MGAT5: variants seen among roughly 807,000 people sequenced by gnomAD.
MGAT5 encodes alpha-1,6-mannosylglycoprotein 6-beta-N-acetylglucosaminyltransferase A.
Under a neutral mutation model 94.3 loss-of-function variants are expected in MGAT5, and 30 were observed. That is an observed-to-expected ratio of 0.32 (90% confidence interval 0.24 to 0.43). The LOEUF is 0.43. Among genes scored for constraint, MGAT5 ranks in the 20% least tolerant of loss-of-function variants. MGAT5 has a pLI of 1.00. For synonymous variants in MGAT5, 310 were observed against 322.9 expected (o/e 0.96, Z 0.43); for missense variants, 691 against 905.5 (o/e 0.76, Z 3.04).
Position 134,152,329 on chromosome 2 carries a change from AC to A in MGAT5, c.-143+32041del, listed in dbSNP as rs562357826. 3.8e-4 allele frequency among the ~76,000 whole-genome samples: 40 copies of A among 106,438 alleles called. No individual in the cohort carries two copies. The South Asian group carries it at 6.6e-3, about 17-fold the overall frequency. 69.8% of individuals were successfully genotyped at this position (106,438 alleles called of 152,430 possible). ...CCGCTTATCACTCACGCCCTATGGG[AC>A]CCGCCCACCGCCATGGGACCTCACT... On this transcript the variant is annotated intron_variant, in intron 1 of 16. Transcript: ENST00000409645.
At position 134,261,110 on chromosome 2, in the gene MGAT5, G is replaced by A. The variant is rs181168183; in HGVS notation, c.241+6466G>A. 8.9e-4 allele frequency among the ~76,000 whole-genome samples: 135 copies of A among 152,152 alleles called. 1 individual carries two copies. The highest frequency in any genetic ancestry group is 2.7e-3 in the African/African-American group (112 of 41,510). ...AGGAGGAGTAAACTCAGAATAAGGG[G>A]CTCATTCTTCTACCCCTCAGTCATT... On this transcript the variant is annotated intron_variant, in intron 1 of 15. Transcript: ENST00000281923.
chr2:134,157,212 A>G (rs1173182812), intron 1 of MGAT5, among the ~76,000 whole-genome samples: 1 of 152,210 alleles, frequency 6.6e-6, no homozygotes, highest in Non-Finnish European at 1.5e-5. Flanking sequence ...AGTTAATAGT[A>G]TCATGCCAAT....
rs528259652 is a variant in MGAT5, at chr2:134,304,911, A to G, written c.407-12618A>G. Among the ~76,000 whole-genome samples, 10 of 152,294 alleles carry G rather than the reference A, an allele frequency of 6.6e-5. No individual in the cohort carries two copies. The South Asian group carries it at 2.1e-3, about 32-fold the overall frequency. ...TTTAAGAGGCATCCTAGCCAAGGAC[A>G]TTACCTAGCAGGCTTGGCATGTATA... is the stretch of plus-strand genomic sequence containing the variant. On this transcript the variant is annotated intron_variant, in intron 2 of 15. Coordinates refer to ENST00000281923, the MANE Select transcript of MGAT5 (RefSeq NM_002410.5).
At chr2:134,245,694 T>C (rs1207341312) in intron 1 of MGAT5, among the ~76,000 whole-genome samples, 1 of 152,196 alleles carries the variant, frequency 6.6e-6, no homozygotes, top group Non-Finnish European at 1.5e-5. Flanking sequence ...TACCTGTGAA[T>C]GTCAGAGAAC....
intron 4 of MGAT5, among the ~76,000 whole-genome samples, chr2:134,322,152 A>G (rs935331640): frequency 6.6e-6 from 1 of 152,114 alleles, no homozygotes. Flanking sequence ...GATAAAAGAC[A>G]CTCAATAAGC....
At chr2:134,137,709 T>G (rs1686474259) in intron 1 of MGAT5, among the ~76,000 whole-genome samples, 1 of 152,206 alleles carries the variant, frequency 6.6e-6, no homozygotes, top group Non-Finnish European at 1.5e-5. Context: ...TAAAAAAATA[T>G]TAACGCTGAA....
chr2:134,316,355 C>T (rs1686997847), intron 2 of MGAT5, among the ~76,000 whole-genome samples: 1 of 152,104 alleles, frequency 6.6e-6, no homozygotes. Flanking sequence ...TGAACGGCAT[C>T]GTTAGATTGT....
At chr2:134,300,571 T>C (rs1685953381) in intron 2 of MGAT5, among the ~76,000 whole-genome samples, 1 of 152,188 alleles carries the variant, frequency 6.6e-6, no homozygotes, top group African/African-American at 2.4e-5. Context: ...AAGAACACTT[T>C]ACCAACAGTT....
In MGAT5 at chr2:134,200,847, C is replaced by T. The variant is rs540207080; in HGVS notation, c.-142-53415C>T. 7.2e-5 allele frequency among the ~76,000 whole-genome samples: 11 copies of T among 152,136 alleles called. No homozygotes were observed. In the East Asian group the frequency reaches 1.2e-3, roughly 16 times the overall value. ...CACCCTGGGCAACATGGTGACACTC[C>T]GTCTCTACAAAAATAAAAATAAAAA... On this transcript the variant is annotated intron_variant, in intron 1 of 16. Coordinates refer to the MGAT5 transcript ENST00000409645.
chr2:134,133,050 A>T (rs930319409), intron 1 of MGAT5, among the ~76,000 whole-genome samples: 1 of 152,330 alleles, frequency 6.6e-6, no homozygotes, highest in African/African-American at 2.4e-5. Context: ...AGTGCTAGTT[A>T]TTTATTCATT....
chr2:134,364,393 G>T (rs1264766106), intron 10 of MGAT5, among the ~76,000 whole-genome samples: 2 of 152,136 alleles, frequency 1.3e-5, no homozygotes, highest in Admixed American at 6.5e-5. Flanking sequence ...CAAGCTACTT[G>T]GGAGGCTGAG....
chr2:134,165,358 A>G (rs1251480930), intron 1 of MGAT5, among the ~76,000 whole-genome samples: 2 of 152,150 alleles, frequency 1.3e-5, no homozygotes, highest in African/African-American at 2.4e-5. Context: ...AATATATTGC[A>G]TGGGATTGTG....
At chr2:134,248,183 A>C (rs1573608803) in intron 1 of MGAT5, among the ~76,000 whole-genome samples, 1 of 152,212 alleles carries the variant, frequency 6.6e-6, no homozygotes. Context: ...TCTGTGGCTC[A>C]TACCAGAAGG....
Position 134,270,515 on chromosome 2 carries a change from C to A in MGAT5, c.371C>A (p.Pro124His). 2 of 1,614,092 alleles carry A rather than the reference C, an allele frequency of 1.2e-6. No individual in the cohort carries two copies. The highest frequency in any genetic ancestry group is 1.7e-6 in the Non-Finnish European group (2 of 1,180,018). The change falls in exon 2 of 16, where the codon CCC becomes CAC. Residue 124 changes from proline to histidine, a missense_variant. By Grantham distance (77) the Pro-to-His change is moderately conservative. Coordinates refer to ENST00000281923, the MANE Select transcript of MGAT5 (RefSeq NM_002410.5). ...TCAACCAACTCCACTACAGCTGTTC[C>A]CAGCTTGGTTGCACTTGAGAAAATT... is the stretch of plus-strand genomic sequence containing the variant. ...TNSTNSTTAV[P>H]SLVALEKINV... is the part of the protein sequence containing the mutation.
chr2:134,153,006 C>G (rs1235490073), intron 1 of MGAT5, among the ~76,000 whole-genome samples: 1 of 150,260 alleles, frequency 6.7e-6, no homozygotes, highest in Non-Finnish European at 1.5e-5. Context: ...TGAGTTCAAG[C>G]AGTTCTCCTG....
At chr2:134,178,571 T>C (rs1286124147) in intron 1 of MGAT5, among the ~76,000 whole-genome samples, 1 of 152,098 alleles carries the variant, frequency 6.6e-6, no homozygotes, top group Non-Finnish European at 1.5e-5. Context: ...GCTTGGGAAA[T>C]GTAGTTTCCT....
At chr2:134,325,733 A>G (rs550424499) in intron 4 of MGAT5, among the ~76,000 whole-genome samples, 12 of 152,084 alleles carry the variant, frequency 7.9e-5, no homozygotes, top group Non-Finnish European at 1.3e-4. Flanking sequence ...AGGACCCTAA[A>G]TTGCAATTGT....
chr2:134,244,430 C>T (rs914651832), intron 1 of MGAT5, among the ~76,000 whole-genome samples: 2 of 152,106 alleles, frequency 1.3e-5, no homozygotes, highest in African/African-American at 4.8e-5. Flanking sequence ...CCTTAATACT[C>T]ATTAGTAAAT....
At chr2:134,348,217 G>C (rs1689030246) in intron 8 of MGAT5, among the ~76,000 whole-genome samples, 1 of 152,050 alleles carries the variant, frequency 6.6e-6, no homozygotes, top group Admixed American at 6.6e-5. Context: ...CAGTTCCTTG[G>C]GTCCCTAGCT....
Sources: gnomAD v4.1 joint callset for allele counts (sites outside exome capture counted in the v4.1 genomes callset) on GRCh38, gnomAD v4.1.1 for gene constraint, MANE v1.5 for transcripts, NCBI Gene and HGNC (gene_info 2026-07-23, HGNC 2026-07-21) for gene names.